CAMKK2: variants seen among roughly 807,000 people sequenced by gnomAD.
The protein encoded by CAMKK2 is calcium/calmodulin-dependent protein kinase kinase 2.
A neutral mutation model predicts 67.2 loss-of-function variants in CAMKK2; 30 were observed. That is an observed-to-expected ratio of 0.45 (90% CI 0.33 to 0.61). CAMKK2 has a LOEUF of 0.61. Among genes scored for constraint, CAMKK2 ranks in the 20% least tolerant of loss-of-function variants. CAMKK2 has a pLI of 0.02. For synonymous variants in CAMKK2, 322 were observed against 326.2 expected, an observed-to-expected ratio of 0.99 and a Z score of 0.14; for missense variants, 643 against 802.0, an observed-to-expected ratio of 0.80 and a Z score of 2.39.
intron 1 of CAMKK2, among the ~76,000 whole-genome samples, chr12:121,286,916 G>A (rs147188304): frequency 2.6e-5 from 4 of 152,082 alleles, no homozygotes; most frequent in African/African-American, 9.6e-5. Context: ...TGGGGGGCGG[G>A]GCGGTTGGGG....
chr12:121,248,911 G>A lies in CAMKK2; in HGVS notation c.1324-177C>T, dbSNP rs1167138724. 2.0e-5 allele frequency among the ~76,000 whole-genome samples: 3 copies of A among 152,244 alleles called. No homozygotes were observed. The East Asian group carries it at 5.8e-4, about 29-fold the overall frequency. On this transcript the variant is annotated intron_variant, in intron 13 of 16. Coordinates refer to ENST00000404169, the MANE Select transcript of CAMKK2 (RefSeq NM_001270485.2). The stretch of plus-strand genomic sequence containing the variant: ...GCAAAGGGGCGGAAACATGAAGACG[G>A]AGAGACAGGACGGGAGGAGCTACAA...
chr12:121,260,447 G>C (rs1317163295), intron 6 of CAMKK2, 92 bp from the exon 7 acceptor site: 2 of 1,187,108 alleles, frequency 1.7e-6, no homozygotes, highest in South Asian at 2.6e-5. Context: ...GCATCCACGT[G>C]GCTGCGTTTG....
At chr12:121,291,718 C>T (rs1021789050) in intron 1 of CAMKK2, among the ~76,000 whole-genome samples, 5 of 152,110 alleles carry the variant, frequency 3.3e-5, no homozygotes, top group Admixed American at 3.3e-4. Flanking sequence ...AGTGGTTGTA[C>T]AACATTATAA....
intron 1 of CAMKK2, among the ~76,000 whole-genome samples, chr12:121,291,886 T>C (rs892046869): frequency 4.6e-5 from 7 of 151,854 alleles, no homozygotes; most frequent in African/African-American, 1.4e-4. Flanking sequence ...TGAAACCCCG[T>C]CTCTACTAAA....
rs192249553 is a variant in CAMKK2 at position 121,258,184 on chromosome 12, C to G, written c.796+2135G>C. ...AGATTACAGGCATGTGCCACCACAT[C>G]TGGCTAATTTTGTATTTTTAGCAGA... is the stretch of plus-strand genomic sequence containing the variant. On this transcript the variant is annotated intron_variant, in intron 7 of 16. Transcript: ENST00000404169. 6.6e-5 allele frequency among the ~76,000 whole-genome samples: 10 copies of G among 152,238 alleles called. No individual in the cohort carries two copies. In the East Asian group the frequency reaches 1.9e-3, roughly 29 times the overall value.
Position 121,245,157 on chromosome 12 carries a change from C to T in CAMKK2, c.1536G>A (p.Ala512=), listed in dbSNP as rs200496494. The T allele has an allele frequency of 7.5e-5, 120 of 1,602,970 alleles. No homozygotes were observed. Among genetic ancestry groups the T allele is most frequent in the Middle Eastern group, 1.7e-4 (1 of 6,060 alleles). The stretch of plus-strand genomic sequence containing the variant: ...CCACTCACGTGAGCAAGTTTCCAGG[C>T]GCTGACAGTGAGCGTTCCTCCCGCC... ...GSRREERSLS[A]PGNLLTKKPT... Residue 512 remains alanine (A), a synonymous_variant, in exon 15 of 17, where the codon GCG becomes GCA. Transcript: ENST00000404169. This position sits in a 1 kb window ranked among gnomAD's most constrained non-coding sequence, Gnocchi z 5.8.
At chr12:121,244,425 G>T in intron 16 of CAMKK2, 148 bp downstream of exon 16, 1 of 760,708 alleles carries the variant, frequency 1.3e-6, no homozygotes, top group Non-Finnish European at 2.1e-6. Flanking sequence ...TTCTAATACT[G>T]GGTCTGGAGG....
intron 7 of CAMKK2, among the ~76,000 whole-genome samples, chr12:121,257,967 G>A (rs1343723341): frequency 6.6e-6 from 1 of 152,066 alleles, no homozygotes; most frequent in Non-Finnish European, 1.5e-5. Context: ...CACTTTTGGG[G>A]CTGAGCAGTG....
chr12:121,252,588 C>A, intron 11 of CAMKK2, 73 bp downstream of exon 11: 1 of 1,390,208 alleles, frequency 7.2e-7, no homozygotes, highest in Non-Finnish European at 1.0e-6. Context: ...TAAGTACTGT[C>A]TCCCCGCAAG....
intron 7 of CAMKK2, among the ~76,000 whole-genome samples, chr12:121,257,642 T>C (rs1892612923): frequency 6.6e-6 from 1 of 152,142 alleles, no homozygotes; most frequent in Non-Finnish European, 1.5e-5. Flanking sequence ...AAGGTTCTGA[T>C]CAGGAAAAGA....
intron 5 of CAMKK2, among the ~76,000 whole-genome samples, chr12:121,265,303 A>ACTC (rs1894307003): frequency 6.6e-6 from 1 of 152,118 alleles, no homozygotes; most frequent in South Asian, 2.1e-4. Flanking sequence ...AGTCCAAAGG[A>ACTC]AAAGGGAGGG....
chr12:121,290,243 T>C (rs917516746), intron 1 of CAMKK2, among the ~76,000 whole-genome samples: 5 of 152,236 alleles, frequency 3.3e-5, no homozygotes, highest in Non-Finnish European at 7.3e-5. Context: ...CGGGTATTCC[T>C]GGCAAAGCTA....
At chr12:121,271,423 C>G (rs1895751483) in intron 2 of CAMKK2, among the ~76,000 whole-genome samples, 1 of 152,148 alleles carries the variant, frequency 6.6e-6, no homozygotes, top group African/African-American at 2.4e-5. Context: ...ACTCTCTTGA[C>G]TTCTAACAAC....
intron 1 of CAMKK2, among the ~76,000 whole-genome samples, chr12:121,294,081 T>C (rs1900650076): frequency 1.3e-5 from 2 of 151,836 alleles, no homozygotes; most frequent in Non-Finnish European, 2.9e-5. Flanking sequence ...TACAGGTGTG[T>C]GCCACCACGC....
Position 121,285,368 on chromosome 12 carries a change from T to C in CAMKK2, c.-59-10783A>G, listed in dbSNP as rs1260980498. On this transcript the variant is annotated intron_variant, in intron 1 of 16. Transcript: ENST00000404169. The surrounding 1 kb of genome is among the most constrained non-coding windows in gnomAD (Gnocchi z 4.1). ...AAATACAGAAATTAGCCAGGTATGG[T>C]GGCGCATGCCTGTTATCCCAGCTAC... Among the ~76,000 whole-genome samples, 2 of 152,158 alleles carry C rather than the reference T, an allele frequency of 1.3e-5. No individual in the cohort carries two copies. Among genetic ancestry groups the C allele is most frequent in the Non-Finnish European group, 2.9e-5 (2 of 68,028 alleles).
At chr12:121,275,899 C>G (rs571000661) in intron 1 of CAMKK2, among the ~76,000 whole-genome samples, 1 of 152,150 alleles carries the variant, frequency 6.6e-6, no homozygotes, top group Admixed American at 6.6e-5. Flanking sequence ...CGGCAGCTCA[C>G]GCCTGTAATC....
intron 1 of CAMKK2, among the ~76,000 whole-genome samples, chr12:121,286,266 C>T (rs1381812407): frequency 6.6e-6 from 1 of 152,350 alleles, no homozygotes; most frequent in East Asian, 1.9e-4. Context: ...CCTCTGGCAA[C>T]CTGGACAGCC....
At chr12:121,243,156 C>A (rs1888716983) in intron 16 of CAMKK2, among the ~76,000 whole-genome samples, 1 of 151,972 alleles carries the variant, frequency 6.6e-6, no homozygotes, top group African/African-American at 2.4e-5. Context: ...GCCTCACCTC[C>A]CGAGTAGCTG....
Position 121,249,948 on chromosome 12 carries a change from G to T in CAMKK2, c.1235+13C>A, listed in dbSNP as rs199795303. On this transcript the variant is annotated intron_variant, in intron 12 of 16. Coordinates refer to ENST00000404169, the MANE Select transcript of CAMKK2 (RefSeq NM_001270485.2). ...TCGGACAGGAGAGATGCGGGACGGCGGGAGATACTCACTGGTCTGGAAATT... is the reference window on the plus strand; with the variant it reads ...TCGGACAGGAGAGATGCGGGACGGCTGGAGATACTCACTGGTCTGGAAATT... 1 of 1,613,680 alleles carries T rather than the reference G, an allele frequency of 6.2e-7. No homozygotes were observed. The highest frequency in any genetic ancestry group is 8.5e-7 in the Non-Finnish European group (1 of 1,179,596).
Sources: allele counts gnomAD v4.1 joint callset (sites outside exome capture counted in the v4.1 genomes callset), GRCh38; gene constraint gnomAD v4.1.1; non-coding constraint Gnocchi (gnomAD v3.1); transcripts MANE v1.5; gene names NCBI Gene and HGNC (gene_info 2026-07-23, HGNC 2026-07-21).